ACE: variants seen among roughly 807,000 people sequenced by gnomAD.
ACE encodes the protein angiotensin-converting enzyme.
A neutral mutation model predicts 162.3 loss-of-function variants in ACE; 122 were observed. The observed-to-expected ratio is 0.75, with a 90% CI of 0.65 to 0.87. The LOEUF (loss-of-function observed/expected upper bound fraction) is 0.87, where lower values mean the gene tolerates loss of function less well. Among genes scored for constraint, ACE ranks in the 40% least tolerant of loss-of-function variants. The pLI, the probability that ACE is intolerant of heterozygous loss-of-function variation, is 0.00. For synonymous variants in ACE, 796 were observed against 720.6 expected (o/e 1.10, Z -1.68); for missense variants, 1,799 against 1,735.1 (o/e 1.04, Z -0.65).
chr17:63,480,210 C>T lies in ACE; in HGVS notation c.656-127C>T, dbSNP rs1270235115. The stretch of plus-strand genomic sequence containing the variant: ...AATTAGAAATTGTAGAGTGGCAACC[C>T]CCAAGCCAATTTTCCAGCTAGCTGC... On this transcript the variant is annotated intron_variant, in intron 4 of 24. Transcript: ENST00000290866. 6 of 1,091,418 alleles carry T rather than the reference C, an allele frequency of 5.5e-6. 1 individual carries two copies. The highest frequency in any genetic ancestry group is 4.7e-5 in the African/African-American group (3 of 64,088). 67.6% of individuals were successfully genotyped at this position (1,091,418 alleles called of 1,614,324 possible). A position where few individuals can be genotyped will look rare whatever the true frequency, so the allele number is the denominator to read the frequency against.
rs2030877500 is a variant in ACE at position 63,497,962 on chromosome 17, G to A, written c.*596G>A. 4.8e-6 allele frequency: 1 copy of A among 206,676 alleles called. No homozygotes were observed. The highest frequency in any genetic ancestry group is 9.9e-6 in the Non-Finnish European group (1 of 101,036). 12.8% of individuals were successfully genotyped at this position (206,676 alleles called of 1,614,324 possible). ...CACAAATGGCCAGGTCCCCCCAGGG[G>A]AAGGCTTCCGGCTGTTATCGGCTGC... On this transcript the variant is annotated 3_prime_UTR_variant, in exon 25 of 25. Coordinates refer to ENST00000290866, the MANE Select transcript of ACE (RefSeq NM_000789.4).
rs1289804035 is a variant in ACE, at chr17:63,491,565, T to C, written c.2912+184T>C. On this transcript the variant is annotated intron_variant, in intron 19 of 24. Transcript: ENST00000290866. The surrounding 1 kb of genome is among the most constrained non-coding windows in gnomAD (Gnocchi z 4.4). ...TGGCAGGAAAACCCCATCCGCCTGA[T>C]GGGGACTTCTGAAGCACGCAACAGC... Among the ~76,000 whole-genome samples the C allele has an allele frequency of 1.3e-5, 2 of 152,142 alleles. No homozygotes were observed. The highest frequency in any genetic ancestry group is 2.9e-5 in the Non-Finnish European group (2 of 68,014).
chr17:63,487,692 A>G (rs2030054127), intron 15 of ACE, among the ~76,000 whole-genome samples: 1 of 152,026 alleles, frequency 6.6e-6, no homozygotes, highest in African/African-American at 2.4e-5. Context: ...CACCCCCGAC[A>G]CAAGGACCCG....
At position 63,480,529 on chromosome 17, in the gene ACE, G is replaced by A. The variant is rs745804205; in HGVS notation, c.847+1G>A. ...GGACCCATCCCTGCTCATCTGCTGGGTAAGGACCTGGCCTCGCCTCCACAT... is the reference window on the plus strand; with the variant it reads ...GGACCCATCCCTGCTCATCTGCTGGATAAGGACCTGGCCTCGCCTCCACAT... On this transcript the variant is annotated splice_donor_variant, in intron 5 of 24. Transcript: ENST00000290866. LOFTEE classifies it high-confidence loss of function. The A allele has an allele frequency of 6.2e-7, 1 of 1,613,640 alleles. No individual in the cohort carries two copies. The highest frequency in any genetic ancestry group is 1.7e-5 in the Admixed American group (1 of 60,032).
chr17:63,483,071 T>C lies in ACE; in HGVS notation c.1385T>C (p.Ile462Thr), dbSNP rs1289633744. The stretch of plus-strand genomic sequence containing the variant: ...TTGCTAAAAATGGCACTGGAAAAAA[T>C]TGCCTTCCTGCCCTTTGGCTACTTG... ...NYLLKMALEK[I>T]AFLPFGYLVD... The change falls in exon 9 of 25, where the codon ATT (isoleucine) becomes ACT (threonine). Residue 462 changes from isoleucine (I) to threonine (T), a missense_variant. Ile to Thr is a moderately conservative substitution (Grantham distance 89). Coordinates refer to ENST00000290866, the MANE Select transcript of ACE (RefSeq NM_000789.4). The C allele has an allele frequency of 6.2e-7, 1 of 1,614,118 alleles. No individual in the cohort carries two copies. The highest frequency in any genetic ancestry group is 1.6e-4 in the Middle Eastern group (1 of 6,062).
chr17:63,493,613 G>A lies in ACE; in HGVS notation c.3090G>A (p.Lys1030=). The change falls in exon 20 of 25, where the codon AAG becomes AAA. Residue 1030 remains lysine (K), a synonymous_variant. Transcript: ENST00000290866. ...DVLALSVSTP[K]HLHSLNLLSS... Reference sequence around the variant, plus strand: ...TAGCCCTCTCAGTGTCTACGCCCAAGCACCTGCACAGTCTCAACCTGCTGA... The same window carrying A: ...TAGCCCTCTCAGTGTCTACGCCCAAACACCTGCACAGTCTCAACCTGCTGA... 3.7e-6 allele frequency: 6 copies of A among 1,614,096 alleles called. No homozygotes were observed. Among genetic ancestry groups the A allele is most frequent in the Non-Finnish European group, 5.1e-6 (6 of 1,179,966 alleles).
chr17:63,481,537 C>T, intron 6 of ACE, 29 bp from the exon 7 acceptor site: 1 of 1,612,712 alleles, frequency 6.2e-7, no homozygotes, highest in South Asian at 1.1e-5. Flanking sequence ...GTGGGCTCCC[C>T]CTGACCTGGC....
rs367822781 is a variant in ACE, at chr17:63,488,750, C to T, written c.2408C>T (p.Pro803Leu). Residue 803 changes from proline to leucine, a missense_variant, in exon 16 of 25, where the codon CCG (proline) becomes CTG (leucine). By Grantham distance (98) the Pro-to-Leu change is moderately conservative. Transcript: ENST00000290866. ...KAGRAILQFY[P>L]KYVELINQAA... ...GGGAGAGCCATCCTCCAGTTTTACC[C>T]GAAATACGTGGAACTCATCAACCAG... The T allele has an allele frequency of 3.8e-5, 61 of 1,613,734 alleles. No individual in the cohort carries two copies. The highest frequency in any genetic ancestry group is 1.9e-4 in the African/African-American group (14 of 74,818).
chr17:63,481,773 C>T, intron 7 of ACE, 35 bp downstream of exon 7: 6 of 1,613,550 alleles, frequency 3.7e-6, no homozygotes, highest in Non-Finnish European at 5.1e-6. Context: ...CTGGGGTTCC[C>T]CGGTTCTGGG....
rs981049370 is a variant in ACE at position 63,480,253 on chromosome 17, G to A, written c.656-84G>A. ...CTAGCTGCAGATCCACGGGCCTCGA[G>A]CCAGTGGAAGAGCCGACTTACAGCT... is the stretch of plus-strand genomic sequence containing the variant. On this transcript the variant is annotated intron_variant, in intron 4 of 24. Transcript: ENST00000290866. 4 of 1,471,298 alleles carry A rather than the reference G, an allele frequency of 2.7e-6. No individual in the cohort carries two copies. The African/African-American group carries it at 5.6e-5, about 21-fold the overall frequency. The allele number at this position is 1,471,298 out of a possible 1,614,324, so 91.1% of individuals were successfully genotyped here. A position where few individuals can be genotyped will look rare whatever the true frequency, so the allele number is the denominator to read the frequency against.
intron 21 of ACE, 94 bp downstream of exon 21, chr17:63,494,160 G>T (rs2030578503): frequency 1.3e-6 from 2 of 1,490,832 alleles, no homozygotes; most frequent in Admixed American, 3.6e-5. Flanking sequence ...AGGGGAGTGT[G>T]TGTGTGTGTG....
In ACE at chr17:63,487,593, T is replaced by G. The variant is rs182409523; in HGVS notation, c.2305+520T>G. Among the ~76,000 whole-genome samples the G allele has an allele frequency of 7.2e-5, 11 of 152,260 alleles. No homozygotes were observed. In the East Asian group the frequency reaches 1.2e-3, roughly 16 times the overall value. ...TCACTTCCCTCACCTACCCTGCCAC[T>G]TCCTACTGGATAGAAGTAGACAGCT... is the stretch of plus-strand genomic sequence containing the variant. On this transcript the variant is annotated intron_variant, in intron 15 of 24. Transcript: ENST00000290866.
In ACE at chr17:63,487,085, T is replaced by G. The variant is rs2030003870; in HGVS notation, c.2305+12T>G. The G allele has an allele frequency of 6.2e-7, 1 of 1,611,970 alleles. No individual in the cohort carries two copies. The highest frequency in any genetic ancestry group is 1.7e-5 in the Admixed American group (1 of 60,020). On this transcript the variant is annotated intron_variant, in intron 15 of 24. Transcript: ENST00000290866. ...GCAGCTCGAGCCAGGTGAGAGCTCA[T>G]GTGCAGGCTGAGTGAGAGGCGAGGG... is the stretch of plus-strand genomic sequence containing the variant.
At position 63,491,766 on chromosome 17, in the gene ACE, C is replaced by T. The variant is rs1230214241; in HGVS notation, c.2912+385C>T. ...ATGTTGGGTGCTCTGTACAGATCCACTCTCACCCCTGACAGGCTCAGAAGC... is the reference window on the plus strand; with the variant it reads ...ATGTTGGGTGCTCTGTACAGATCCATTCTCACCCCTGACAGGCTCAGAAGC... On this transcript the variant is annotated intron_variant, in intron 19 of 24. Coordinates refer to ENST00000290866, the MANE Select transcript of ACE (RefSeq NM_000789.4). The surrounding 1 kb of genome is among the most constrained non-coding windows in gnomAD (Gnocchi z 4.4). Among the ~76,000 whole-genome samples, 1 of 152,214 alleles carries T rather than the reference C, an allele frequency of 6.6e-6. No homozygotes were observed. The highest frequency in any genetic ancestry group is 2.4e-5 in the African/African-American group (1 of 41,456).
In ACE at chr17:63,484,842, C is replaced by G; in HGVS notation, c.1921+301C>G. On this transcript the variant is annotated intron_variant, in intron 12 of 24. Coordinates refer to ENST00000290866, the MANE Select transcript of ACE (RefSeq NM_000789.4). The surrounding 1 kb of genome is among the most constrained non-coding windows in gnomAD (Gnocchi z 4.0). ...GCTCTTATTGGCCAGGGGACGGTAG[C>G]TGCAGGACTCTGCTCTCCTGCGGCC... 6.4e-7 allele frequency: 1 copy of G among 1,554,010 alleles called. No individual in the cohort carries two copies. Among genetic ancestry groups the G allele is most frequent in the South Asian group, 1.2e-5 (1 of 84,212 alleles).
Position 63,484,254 on chromosome 17 carries a change from G to A in ACE, c.1710-76G>A, listed in dbSNP as rs1236047030. Reference sequence around the variant, plus strand: ...TCCATTGGGGGGCGGAAGTGGCCAGGGGCATGTGGGCCGGGGTCCAGGAGC... The same window carrying A: ...TCCATTGGGGGGCGGAAGTGGCCAGAGGCATGTGGGCCGGGGTCCAGGAGC... On this transcript the variant is annotated intron_variant, in intron 11 of 24. Coordinates refer to ENST00000290866, the MANE Select transcript of ACE (RefSeq NM_000789.4). This position sits in a 1 kb window ranked among gnomAD's most constrained non-coding sequence, Gnocchi z 4.0. 15 of 1,490,794 alleles carry A rather than the reference G, an allele frequency of 1.0e-5. No homozygotes were observed. Among genetic ancestry groups the A allele is most frequent in the Non-Finnish European group, 1.4e-5 (15 of 1,101,194 alleles). 92.3% of individuals were successfully genotyped at this position (1,490,794 alleles called of 1,614,324 possible).
intron 17 of ACE, 120 bp downstream of exon 17, chr17:63,489,252 G>C (rs1270043288): frequency 1.1e-5 from 14 of 1,285,908 alleles, no homozygotes; most frequent in Non-Finnish European, 1.5e-5. Context: ...CCAGCCCTGT[G>C]GGGGATGGTT....
intron 5 of ACE, 42 bp downstream of exon 5, chr17:63,480,570 G>A (rs1209251775): frequency 6.2e-7 from 1 of 1,609,384 alleles, no homozygotes; most frequent in Non-Finnish European, 8.5e-7. Context: ...CCACGGAAGT[G>A]TGGGTCCCGA....
In ACE at chr17:63,483,540, A is replaced by G. The variant is rs1195088899; in HGVS notation, c.1568A>G (p.Asn523Ser). The change falls in exon 10 of 25, where the codon AAT becomes AGT. Residue 523 changes from asparagine to serine, a missense_variant. By Grantham distance (46) the Asn-to-Ser change is conservative. Coordinates refer to ENST00000290866, the MANE Select transcript of ACE (RefSeq NM_000789.4). ...GCTGGAGCTAAGTTTCATGTTCCAA[A>G]TGTGACACCATACATCAGGTATTAG... The part of the protein sequence containing the change: ...FDAGAKFHVP[N>S]VTPYIRYFVS... 1.2e-6 allele frequency: 2 copies of G among 1,613,842 alleles called. No homozygotes were observed. The highest frequency in any genetic ancestry group is 2.7e-5 in the African/African-American group (2 of 74,850).
Sources: allele counts gnomAD v4.1 joint callset (sites outside exome capture counted in the v4.1 genomes callset), GRCh38; gene constraint gnomAD v4.1.1; non-coding constraint Gnocchi (gnomAD v3.1); transcripts MANE v1.5; gene names NCBI Gene and HGNC (gene_info 2026-07-23, HGNC 2026-07-21).